Variants in SEMA4B observed in about 807,000 individuals in gnomAD.
SEMA4B encodes the protein semaphorin-4B.
A neutral mutation model predicts 88.1 loss-of-function variants in SEMA4B; 55 were observed. The ratio of observed to expected loss-of-function variants is 0.62; its 90% CI spans 0.50 to 0.78. The LOEUF is 0.78. Among genes scored for constraint, SEMA4B ranks in the 30% least tolerant of loss-of-function variants. SEMA4B has a pLI of 0.00. For synonymous variants in SEMA4B, 525 were observed against 473.6 expected, an observed-to-expected ratio of 1.11 and a Z score of -1.41; for missense variants, 1,062 against 1,111.9, an observed-to-expected ratio of 0.96 and a Z score of 0.64.
intron 1 of SEMA4B, among the ~76,000 whole-genome samples, chr15:90,191,175 T>C (rs1234093901): frequency 6.6e-6 from 1 of 152,088 alleles, no homozygotes; most frequent in Non-Finnish European, 1.5e-5. Flanking sequence ...TCCCAGGGAG[T>C]GGCCAGCTCA....
chr15:90,209,928 C>T (rs143775012), intron 1 of SEMA4B, among the ~76,000 whole-genome samples: 36 of 152,170 alleles, frequency 2.4e-4, no homozygotes, highest in Non-Finnish European at 4.7e-4. Context: ...GCTTGGACGA[C>T]GGGGTGCTAT....
chr15:90,210,548 G>A lies in SEMA4B; in HGVS notation c.158-6891G>A, dbSNP rs182922166. Among the ~76,000 whole-genome samples the A allele has an allele frequency of 7.2e-5, 11 of 152,274 alleles. No homozygotes were observed. The East Asian group carries it at 1.4e-3, about 19-fold the overall frequency. ...GGGCGGCATCCCCACCACTCCTCCC[G>A]GGGATGACTTGCACCTGAAACAGAG... On this transcript the variant is annotated intron_variant, in intron 1 of 13. Coordinates refer to ENST00000411539, the MANE Select transcript of SEMA4B (RefSeq NM_198925.4).
chr15:90,202,492 G>T (rs953822892), intron 1 of SEMA4B, among the ~76,000 whole-genome samples: 5 of 152,104 alleles, frequency 3.3e-5, no homozygotes, highest in Admixed American at 2.0e-4. Flanking sequence ...TCAGCCCTCC[G>T]CCCTTCCCTC....
chr15:90,218,406 C>G (rs1363922284), intron 3 of SEMA4B, among the ~76,000 whole-genome samples: 1 of 152,212 alleles, frequency 6.6e-6, no homozygotes, highest in Admixed American at 6.5e-5. Flanking sequence ...GACACAGGTT[C>G]AAGTCCTGGC....
chr15:90,222,697 A>G (rs1206801760), intron 7 of SEMA4B, among the ~76,000 whole-genome samples: 1 of 152,186 alleles, frequency 6.6e-6, no homozygotes, highest in Non-Finnish European at 1.5e-5. Flanking sequence ...CTGCTGGCCT[A>G]GGATCTTGGG....
intron 1 of SEMA4B, among the ~76,000 whole-genome samples, chr15:90,216,113 C>T (rs770478817): frequency 4.0e-5 from 6 of 151,830 alleles, no homozygotes; most frequent in East Asian, 2.0e-4. Context: ...CTCAGCCTCC[C>T]GAGTAGCTGG....
In SEMA4B at chr15:90,228,807, G is replaced by A. The variant is rs113900939; in HGVS notation, c.*164G>A. 2.2e-3 allele frequency: 2,040 copies of A among 925,718 alleles called. 5 individuals are homozygous for A. The highest frequency in any genetic ancestry group is 5.0e-3 in the Admixed American group (175 of 34,872). 57.3% of individuals were successfully genotyped at this position (925,718 alleles called of 1,614,324 possible). On this transcript the variant is annotated 3_prime_UTR_variant, in exon 14 of 14. Transcript: ENST00000411539. Reference sequence around the variant, plus strand: ...GCCTGCTGCTCTCCAGTCAAGTAGCGAAGCTCCTACCACCCAGACACCCAA... The same window carrying A: ...GCCTGCTGCTCTCCAGTCAAGTAGCAAAGCTCCTACCACCCAGACACCCAA...
intron 1 of SEMA4B, among the ~76,000 whole-genome samples, chr15:90,202,209 G>A (rs1446131745): frequency 1.3e-5 from 2 of 152,354 alleles, no homozygotes; most frequent in African/African-American, 4.8e-5. Context: ...CTCCCTCTCC[G>A]CCCCTCCATC....
chr15:90,188,223 G>A (rs567139265), intron 1 of SEMA4B, among the ~76,000 whole-genome samples: 137 of 152,228 alleles, frequency 9.0e-4, no homozygotes, highest in African/African-American at 3.2e-3. Context: ...GGGCGCTGAG[G>A]TAGAAGGATC....
At chr15:90,201,790 G>T in intron 1 of SEMA4B, 55 bp downstream of exon 1, 1 of 1,368,212 alleles carries the variant, frequency 7.3e-7, no homozygotes, top group Non-Finnish European at 9.4e-7. Flanking sequence ...TGCCGGGGAC[G>T]TGCCTCGTGC....
intron 9 of SEMA4B, among the ~76,000 whole-genome samples, chr15:90,224,621 ACTGGGACGCT>A (rs1372300685): frequency 1.3e-5 from 2 of 152,190 alleles, no homozygotes; most frequent in African/African-American, 4.8e-5. Flanking sequence ...TGCCGACTGC[ACTGGGACGCT>A]CTGCCCGGCC....
chr15:90,214,574 G>C (rs903117812), intron 1 of SEMA4B, among the ~76,000 whole-genome samples: 1 of 148,460 alleles, frequency 6.7e-6, no homozygotes, highest in South Asian at 2.1e-4. Flanking sequence ...CGGAGGTTGC[G>C]GTGAGCCAAG....
intron 1 of SEMA4B, among the ~76,000 whole-genome samples, chr15:90,186,959 AAAAT>A (rs1960184854): frequency 6.6e-6 from 1 of 152,078 alleles, no homozygotes; most frequent in Non-Finnish European, 1.5e-5. Context: ...AAAAAACAAA[AAAAT>A]AAAAATAAAA....
upstream of SEMA4B, among the ~76,000 whole-genome samples, chr15:90,197,582 C>T: frequency 6.6e-6 from 1 of 151,496 alleles, no homozygotes; most frequent in Non-Finnish European, 1.5e-5. Flanking sequence ...GGACTACAGG[C>T]GCCCGCCACC....
In SEMA4B at chr15:90,212,457, G is replaced by A. The variant is rs1961316509; in HGVS notation, c.158-4982G>A. Among the ~76,000 whole-genome samples the A allele has an allele frequency of 6.6e-6, 1 of 152,154 alleles. No individual in the cohort carries two copies. The highest frequency in any genetic ancestry group is 2.1e-4 in the South Asian group (1 of 4,832). On this transcript the variant is annotated intron_variant, in intron 1 of 13. Coordinates refer to ENST00000411539, the MANE Select transcript of SEMA4B (RefSeq NM_198925.4). The surrounding 1 kb of genome is among the most constrained non-coding windows in gnomAD (Gnocchi z 4.0). ...ATAGATGGATTTAGAGGATGTCCGA[G>A]CAGCACAGGCAGCCCAGGAGAGCGA...
intron 4 of SEMA4B, chr15:90,220,155 C>T: frequency 2.3e-6 from 1 of 432,804 alleles, no homozygotes; most frequent in South Asian, 3.7e-5. Flanking sequence ...CCTTGCTGCC[C>T]TCTTCTGCTT....
chr15:90,225,086 T>C lies in SEMA4B; in HGVS notation c.1313T>C (p.Leu438Pro). 2 of 1,613,868 alleles carry C rather than the reference T, an allele frequency of 1.2e-6. No homozygotes were observed. Among genetic ancestry groups the C allele is most frequent in the Non-Finnish European group, 1.7e-6 (2 of 1,179,854 alleles). Residue 438 changes from leucine (L) to proline (P), a missense_variant, in exon 10 of 14, where the codon CTG becomes CCG. Transcript: ENST00000411539. ...GACGGGCAGGTCCGAAGCCGCATGCTGCTGCTGCAGCCCCAGGCTCGCTAC... is the reference window on the plus strand; with the variant it reads ...GACGGGCAGGTCCGAAGCCGCATGCCGCTGCTGCAGCCCCAGGCTCGCTAC... ...LMDGQVRSRM[L>P]LLQPQARYQR... is the part of the protein sequence containing the mutation.
At chr15:90,194,015 C>G (rs1960424832) in intron 1 of SEMA4B, among the ~76,000 whole-genome samples, 1 of 151,676 alleles carries the variant, frequency 6.6e-6, no homozygotes. Context: ...CCACGCCCGG[C>G]TAATTTTCAT....
rs74037062 is a variant in SEMA4B, at chr15:90,229,375, G to A, written c.*732G>A. The A allele has an allele frequency of 0.012, 5,476 of 456,766 alleles. 223 individuals carry two copies. Among genetic ancestry groups the A allele is most frequent in the African/African-American group, 0.091 (4,561 of 50,154 alleles). The allele number at this position is 456,766 out of a possible 1,614,324, so 28.3% of individuals were successfully genotyped here. The stretch of plus-strand genomic sequence containing the variant: ...ATGTACGCCTTTCCCTCAGAATTCA[G>A]GGAAGAGACTGTCGCCTGCCTTCCT... On this transcript the variant is annotated 3_prime_UTR_variant, in exon 14 of 14. Coordinates refer to ENST00000411539, the MANE Select transcript of SEMA4B (RefSeq NM_198925.4).
Sources: gnomAD v4.1 joint callset for allele counts (sites outside exome capture counted in the v4.1 genomes callset) on GRCh38, gnomAD v4.1.1 for gene constraint, Gnocchi (gnomAD v3.1) non-coding constraint, MANE v1.5 for transcripts, NCBI Gene and HGNC (gene_info 2026-07-23, HGNC 2026-07-21) for gene names.